TMEM255A: variants seen among roughly 807,000 people sequenced by gnomAD.
The protein encoded by TMEM255A is family with sequence similarity 70, member A.
A neutral mutation model predicts 23.5 loss-of-function variants in TMEM255A; 14 were observed. The ratio of observed to expected loss-of-function variants is 0.60; its 90% CI spans 0.39 to 0.93. TMEM255A has a LOEUF of 0.93. Ranked by LOEUF, TMEM255A falls within the 40% of genes least tolerant of loss-of-function variation. TMEM255A has a pLI of 0.00. For synonymous variants in TMEM255A, 104 were observed against 100.3 expected, an observed-to-expected ratio of 1.04 and a Z score of -0.22; for missense variants, 233 against 261.7, an observed-to-expected ratio of 0.89 and a Z score of 0.76.
rs930556586 is a variant in TMEM255A at position 120,311,390 on chromosome X, T to A, written c.-81A>T. 8 of 857,529 alleles carry A rather than the reference T, an allele frequency of 9.3e-6. No individual in the cohort carries two copies. The highest frequency in any genetic ancestry group is 1.2e-5 in the Non-Finnish European group (7 of 592,394). 70.7% of individuals were successfully genotyped at this position (857,529 alleles called of 1,213,427 possible). A position where few individuals can be genotyped will look rare whatever the true frequency, so the allele number is the denominator to read the frequency against. On this transcript the variant is annotated 5_prime_UTR_variant, in exon 1 of 9. Transcript: ENST00000371369. ...CTGGGCGCCCCGCAGAGCATCCTAC[T>A]CCGCGGTTGCCTCTCTCGGTCCTTC...
chrX:120,274,435 AG>A (rs781875323), intron 7 of TMEM255A, among the ~76,000 whole-genome samples: 1 of 111,938 alleles, frequency 8.9e-6, no homozygotes, highest in African/African-American at 3.2e-5. Flanking sequence ...TTTTTTTTAA[AG>A]GGGGACAGTG....
chrX:120,253,971 A>G (rs1171180010), downstream of TMEM255A: 1 of 1,171,662 alleles, frequency 8.5e-7, no homozygotes, highest in Non-Finnish European at 1.1e-6. Flanking sequence ...GATCATTGTT[A>G]CCGATTCTGA....
chrX:120,285,920 T>C (rs1184254085), intron 5 of TMEM255A: 2 of 1,172,887 alleles, frequency 1.7e-6, no homozygotes, highest in South Asian at 1.8e-5. Context: ...TCCAGCTCTC[T>C]CCCCCATCCA....
chrX:120,304,845 T>C (rs1429384457), intron 1 of TMEM255A, among the ~76,000 whole-genome samples: 1 of 111,392 alleles, frequency 9.0e-6, no homozygotes, highest in Non-Finnish European at 1.9e-5. Flanking sequence ...ATATGATAAA[T>C]GGGAAGTGTG....
At chrX:120,264,990 G>A (rs1237712469) in intron 8 of TMEM255A, among the ~76,000 whole-genome samples, 10 of 107,857 alleles carry the variant, frequency 9.3e-5, no homozygotes, top group East Asian at 2.9e-4. Flanking sequence ...TGATTCTCCT[G>A]CCTCAGCCTC....
intron 7 of TMEM255A, among the ~76,000 whole-genome samples, chrX:120,271,482 G>T (rs949645964): frequency 1.8e-5 from 2 of 111,829 alleles, no homozygotes; most frequent in Non-Finnish European, 3.8e-5. Context: ...CATTATTGCC[G>T]CTATCAAGAC....
At chrX:120,285,934 G>A (rs1556021770) in intron 5 of TMEM255A, 20 of 1,156,590 alleles carry the variant, frequency 1.7e-5, no homozygotes, top group Non-Finnish European at 2.3e-5. Context: ...CCATCCAGAT[G>A]CAATGAAGTG....
intron 4 of TMEM255A, among the ~76,000 whole-genome samples, chrX:120,290,359 T>A (rs1374977591): frequency 2.7e-5 from 3 of 111,967 alleles, no homozygotes; most frequent in African/African-American, 9.7e-5. Flanking sequence ...CAAATGGGGA[T>A]AATAATGCCT....
At position 120,259,196 on chromosome X, in the gene TMEM255A, T is replaced by C. The variant is rs141681152; in HGVS notation, c.*1674A>G. 24 of 112,910 alleles carry C rather than the reference T, an allele frequency of 2.1e-4. 1 individual carries two copies. In the East Asian group the frequency reaches 4.4e-3, roughly 21 times the overall value. 9.3% of individuals were successfully genotyped at this position (112,910 alleles called of 1,213,427 possible). ...TATTACAAGTTGATATTTGTTTAGT[T>C]AGTCAGTTGGGTATTAGTCTCTTTT... On this transcript the variant is annotated 3_prime_UTR_variant, in exon 9 of 9. Transcript: ENST00000371369.
At chrX:120,293,853 A>C (rs781880637) in intron 3 of TMEM255A, 136 bp downstream of exon 3, 2 of 418,777 alleles carry the variant, frequency 4.8e-6, no homozygotes, top group African/African-American at 2.5e-5. Flanking sequence ...CATTCCCTAG[A>C]GGTTTAGGAG....
chrX:120,254,405 G>A (rs2057622604), downstream of TMEM255A: 2 of 1,209,569 alleles, frequency 1.7e-6, no homozygotes, highest in East Asian at 3.0e-5. Context: ...ATGAAGAGGA[G>A]GAGGAGGAAA....
At chrX:120,269,167 T>C (rs1252450158) in intron 7 of TMEM255A, among the ~76,000 whole-genome samples, 1 of 110,278 alleles carries the variant, frequency 9.1e-6, no homozygotes, top group Non-Finnish European at 1.9e-5. Flanking sequence ...CAGACATAAT[T>C]TTATATCCTT....
Position 120,260,644 on chromosome X carries a change from G to A in TMEM255A, c.*226C>T, listed in dbSNP as rs2057671865. 5.3e-6 allele frequency: 2 copies of A among 378,340 alleles called. No homozygotes were observed. Among genetic ancestry groups the A allele is most frequent in the East Asian group, 1.0e-4 (2 of 20,042 alleles). The allele number at this position is 378,340 out of a possible 1,213,427, so 31.2% of individuals were successfully genotyped here. A position where few individuals can be genotyped will look rare whatever the true frequency, so the allele number is the denominator to read the frequency against. On this transcript the variant is annotated 3_prime_UTR_variant, in exon 9 of 9. Coordinates refer to ENST00000371369, the MANE Select transcript of TMEM255A (RefSeq NM_001104544.3). Reference sequence around the variant, plus strand: ...AGCTTCTTGCTGGGCTGGCTCCCCAGTCTTGCTTAGAGAATGTGAGCTGCC... The same window carrying A: ...AGCTTCTTGCTGGGCTGGCTCCCCAATCTTGCTTAGAGAATGTGAGCTGCC...
intron 7 of TMEM255A, among the ~76,000 whole-genome samples, chrX:120,272,377 G>C (rs16994095): frequency 0.027 from 3,028 of 111,464 alleles, 105 homozygotes; most frequent in African/African-American, 0.092. Context: ...ACTGAGGTTG[G>C]CTTTTACGCA....
downstream of TMEM255A, chrX:120,256,788 ATT>A (rs782587377): frequency 5.4e-5 from 6 of 110,537 alleles, no homozygotes; most frequent in African/African-American, 1.1e-4. Flanking sequence ...TCTGTAAATG[ATT>A]TTTTTTTTTT....
intron 8 of TMEM255A, among the ~76,000 whole-genome samples, chrX:120,266,752 C>G (rs1556017686): frequency 8.9e-6 from 1 of 112,244 alleles, no homozygotes; most frequent in Non-Finnish European, 1.9e-5. Flanking sequence ...GATGACCTTC[C>G]TTGTTTTAGC....
intron 1 of TMEM255A, among the ~76,000 whole-genome samples, chrX:120,307,540 T>C (rs1488384658): frequency 2.7e-5 from 3 of 112,399 alleles, no homozygotes; most frequent in Admixed American, 1.9e-4. Context: ...TAATAAACAA[T>C]CGGTACTTGT....
At chrX:120,281,877 C>T (rs2057839695) in intron 6 of TMEM255A, among the ~76,000 whole-genome samples, 1 of 111,933 alleles carries the variant, frequency 8.9e-6, no homozygotes, top group African/African-American at 3.3e-5. Context: ...CTGCATGAGG[C>T]TAAATAGAAT....
At chrX:120,292,839 T>C (rs1363580332) in intron 3 of TMEM255A, among the ~76,000 whole-genome samples, 2 of 111,580 alleles carry the variant, frequency 1.8e-5, no homozygotes, top group African/African-American at 6.5e-5. Flanking sequence ...CTTTGGGAGT[T>C]GTTCAGAAAC....
Sources: gnomAD v4.1 joint callset for allele counts (sites outside exome capture counted in the v4.1 genomes callset) on GRCh38, gnomAD v4.1.1 for gene constraint, MANE v1.5 for transcripts, NCBI Gene and HGNC (gene_info 2026-07-23, HGNC 2026-07-21) for gene names.